Variants in SH3PXD2A observed in about 807,000 individuals in gnomAD.
SH3PXD2A encodes SH3 and PX domain-containing protein 2A.
SH3PXD2A carries 32 observed loss-of-function variants against 115.2 expected under a neutral mutation model. The observed-to-expected ratio is 0.28, with a 90% CI of 0.21 to 0.37. The LOEUF (loss-of-function observed/expected upper bound fraction) is 0.37, where lower values mean the gene tolerates loss of function less well. SH3PXD2A is among the 10% of genes least tolerant of loss of function. The pLI is 1.00. For missense variants in SH3PXD2A, 1,328 were observed against 1,498.7 expected, an observed-to-expected ratio of 0.89 and a Z score of 1.88; for synonymous variants, 610 against 629.1, an observed-to-expected ratio of 0.97 and a Z score of 0.45.
chr10:103,702,437 G>A (rs903652296), intron 5 of SH3PXD2A, among the ~76,000 whole-genome samples: 2 of 152,212 alleles, frequency 1.3e-5, no homozygotes, highest in African/African-American at 2.4e-5. Context: ...AGTGGTCTGG[G>A]GTGGTCAGGG....
At chr10:103,652,877 G>C (rs114264871) in intron 8 of SH3PXD2A, among the ~76,000 whole-genome samples, 1 of 152,128 alleles carries the variant, frequency 6.6e-6, no homozygotes, top group Non-Finnish European at 1.5e-5. Flanking sequence ...GCGGGGCTTC[G>C]AGTAGGCAGG....
intron 7 of SH3PXD2A, among the ~76,000 whole-genome samples, chr10:103,662,669 G>A (rs1592288747): frequency 6.6e-6 from 1 of 151,984 alleles, no homozygotes; most frequent in Admixed American, 6.6e-5. Flanking sequence ...AAAGTGCTGG[G>A]ATTACAGGCG....
chr10:103,632,419 T>C (rs562270372), intron 8 of SH3PXD2A, among the ~76,000 whole-genome samples: 11 of 152,294 alleles, frequency 7.2e-5, no homozygotes, highest in African/African-American at 1.4e-4. Flanking sequence ...GTTGCCACAA[T>C]TGACGTCTGA....
At chr10:103,622,630 T>TG (rs1294149102) in intron 9 of SH3PXD2A, 77 bp from the exon 10 acceptor site, 16 of 481,278 alleles carry the variant, frequency 3.3e-5, no homozygotes, top group East Asian at 1.0e-4. Flanking sequence ...TGAGATGGGA[T>TG]GGGGGTGGGA....
intron 8 of SH3PXD2A, among the ~76,000 whole-genome samples, chr10:103,650,907 G>C (rs1008038762): frequency 1.2e-4 from 18 of 152,252 alleles, no homozygotes. Context: ...AGGGACAGCT[G>C]CCTCTTGTCC....
intron 8 of SH3PXD2A, among the ~76,000 whole-genome samples, chr10:103,648,314 C>T (rs991091897): frequency 2.0e-5 from 3 of 152,174 alleles, no homozygotes; most frequent in East Asian, 1.9e-4. Context: ...TCTCTTTAAG[C>T]GCCAGAGCTA....
At chr10:103,787,796 T>A (rs1233993278) in intron 2 of SH3PXD2A, among the ~76,000 whole-genome samples, 1 of 152,052 alleles carries the variant, frequency 6.6e-6, no homozygotes, top group East Asian at 1.9e-4. Context: ...ACAAAAAAAA[T>A]CTTTTTGAAC....
intron 4 of SH3PXD2A, among the ~76,000 whole-genome samples, chr10:103,725,440 A>G (rs1454083415): frequency 2.0e-5 from 3 of 152,146 alleles, no homozygotes; most frequent in African/African-American, 4.8e-5. Flanking sequence ...TATGGGAAAC[A>G]GTAGTCATGG....
At chr10:103,685,502 C>A (rs2037666536) in intron 6 of SH3PXD2A, among the ~76,000 whole-genome samples, 1 of 152,136 alleles carries the variant, frequency 6.6e-6, no homozygotes, top group Non-Finnish European at 1.5e-5. Flanking sequence ...CCACCTTCCC[C>A]CTGTCTGATT....
chr10:103,638,961 T>C (rs1166841547), intron 8 of SH3PXD2A, among the ~76,000 whole-genome samples: 2 of 152,276 alleles, frequency 1.3e-5, no homozygotes, highest in South Asian at 4.2e-4. Context: ...CATGTGGGTC[T>C]GATTCTGTGC....
Position 103,627,288 on chromosome 10 carries a change from G to T in SH3PXD2A, c.605-86C>A. 3.8e-6 allele frequency: 3 copies of T among 780,012 alleles called. No homozygotes were observed. Among genetic ancestry groups the T allele is most frequent in the Non-Finnish European group, 6.7e-6 (3 of 450,656 alleles). 48.3% of individuals were successfully genotyped at this position (780,012 alleles called of 1,614,324 possible). Reference sequence around the variant, plus strand: ...GGGGGCCAGGACAAGGATGGAAGGAGAGGCACAAGAAGCGGAGCATGGAGC... The same window carrying T: ...GGGGGCCAGGACAAGGATGGAAGGATAGGCACAAGAAGCGGAGCATGGAGC... On this transcript the variant is annotated intron_variant, in intron 8 of 14. Coordinates refer to ENST00000369774, the MANE Select transcript of SH3PXD2A (RefSeq NM_001394015.1). This position sits in a 1 kb window ranked among gnomAD's most constrained non-coding sequence, Gnocchi z 4.4.
At chr10:103,752,310 G>A (rs1035683648) in intron 3 of SH3PXD2A, among the ~76,000 whole-genome samples, 1 of 152,190 alleles carries the variant, frequency 6.6e-6, no homozygotes, top group Non-Finnish European at 1.5e-5. Flanking sequence ...TTTCCCCTTT[G>A]CATGATATTC....
At chr10:103,749,490 C>T (rs1200629273) in intron 3 of SH3PXD2A, among the ~76,000 whole-genome samples, 3 of 152,202 alleles carry the variant, frequency 2.0e-5, no homozygotes, top group Admixed American at 2.0e-4. Context: ...TGCTTCCAGG[C>T]TACATCTGCT....
At chr10:103,723,528 C>T (rs2038206980) in intron 5 of SH3PXD2A, among the ~76,000 whole-genome samples, 1 of 152,168 alleles carries the variant, frequency 6.6e-6, no homozygotes, top group African/African-American at 2.4e-5. Flanking sequence ...CCACCACCCA[C>T]AGCATCCCAA....
chr10:103,660,107 C>T (rs943304196), intron 8 of SH3PXD2A, among the ~76,000 whole-genome samples: 1 of 152,142 alleles, frequency 6.6e-6, no homozygotes, highest in East Asian at 1.9e-4. Context: ...CAGAGAGGCT[C>T]TGAGCACAGG....
intron 13 of SH3PXD2A, among the ~76,000 whole-genome samples, chr10:103,607,583 T>TCTGCCCGGCCGCCC (rs1212610437): frequency 3.3e-5 from 5 of 151,192 alleles, no homozygotes; most frequent in African/African-American, 1.2e-4. Flanking sequence ...GAGGGGCGCC[T>TCTGCCCGGCCGCCC]CTGCCCGGCC....
intron 7 of SH3PXD2A, among the ~76,000 whole-genome samples, chr10:103,664,233 T>A (rs765827309): frequency 6.6e-6 from 1 of 151,452 alleles, no homozygotes; most frequent in Non-Finnish European, 1.5e-5. Flanking sequence ...ATGAGAAGAG[T>A]GGGAAAGAAA....
chr10:103,703,937 T>G (rs2037950848), intron 5 of SH3PXD2A, among the ~76,000 whole-genome samples: 1 of 152,272 alleles, frequency 6.6e-6, no homozygotes, highest in Non-Finnish European at 1.5e-5. Flanking sequence ...ACAGATTATT[T>G]AGGGTCTCTG....
chr10:103,668,384 C>T (rs74154584), intron 7 of SH3PXD2A, among the ~76,000 whole-genome samples: 3,915 of 152,374 alleles, frequency 0.026, 89 homozygotes, highest in African/African-American at 0.061. Flanking sequence ...CCAGAGCACA[C>T]GTGCTTACAC....
Sources: gnomAD v4.1 joint callset for allele counts (sites outside exome capture counted in the v4.1 genomes callset) on GRCh38, gnomAD v4.1.1 for gene constraint, Gnocchi (gnomAD v3.1) non-coding constraint, MANE v1.5 for transcripts, NCBI Gene and HGNC (gene_info 2026-07-23, HGNC 2026-07-21) for gene names.